CNTNAP5: variants seen among roughly 807,000 people sequenced by gnomAD.
CNTNAP5 encodes contactin associated protein family member 5.
CNTNAP5 carries 72 observed loss-of-function variants against 150.2 expected under a neutral mutation model. The ratio of observed to expected loss-of-function variants is 0.48; its 90% CI spans 0.40 to 0.58. CNTNAP5 has a LOEUF of 0.58. Among genes scored for constraint, CNTNAP5 ranks in the 20% least tolerant of loss-of-function variants. The probability of loss-of-function intolerance (pLI) is 0.00; values close to 1 mark genes in which losing one functional copy is unlikely to be tolerated. For missense variants in CNTNAP5, 1,636 were observed against 1,626.2 expected, an observed-to-expected ratio of 1.01 and a Z score of -0.10; for synonymous variants, 672 against 619.8, an observed-to-expected ratio of 1.08 and a Z score of -1.25.
At chr2:124,539,347 G>A (rs893895673) in intron 10 of CNTNAP5, among the ~76,000 whole-genome samples, 5 of 152,158 alleles carry the variant, frequency 3.3e-5, no homozygotes, top group Non-Finnish European at 7.4e-5. Flanking sequence ...TCATAGGCAT[G>A]GGCAGCGTCA....
intron 2 of CNTNAP5, among the ~76,000 whole-genome samples, chr2:124,237,662 C>A (rs935672000): frequency 6.6e-6 from 1 of 152,048 alleles, no homozygotes; most frequent in Non-Finnish European, 1.5e-5. Context: ...CATGGTGAAA[C>A]CCTGTTTCTA....
At chr2:124,113,583 T>A (rs893826452) in intron 1 of CNTNAP5, among the ~76,000 whole-genome samples, 9 of 150,950 alleles carry the variant, frequency 6.0e-5, no homozygotes, top group African/African-American at 1.9e-4. Context: ...GGAGCCCTAG[T>A]TCTCTCTTGT....
At chr2:124,518,174 A>ATATCTC (rs753021823) in intron 8 of CNTNAP5, among the ~76,000 whole-genome samples, 27 of 152,164 alleles carry the variant, frequency 1.8e-4, no homozygotes, top group Non-Finnish European at 2.8e-4. Context: ...GGACCTTAGA[A>ATATCTC]TATCTCTTAA....
intron 7 of CNTNAP5, among the ~76,000 whole-genome samples, chr2:124,499,815 C>T (rs1694235667): frequency 6.6e-6 from 1 of 152,010 alleles, no homozygotes; most frequent in Admixed American, 6.6e-5. Context: ...AAAAGTAGGG[C>T]CAGGATCTCT....
intron 4 of CNTNAP5, among the ~76,000 whole-genome samples, chr2:124,429,064 T>C (rs192244662): frequency 2.6e-4 from 39 of 152,282 alleles, no homozygotes; most frequent in Admixed American, 2.1e-3. Context: ...GCAAATTAAG[T>C]TCCAAAGAGA....
chr2:124,544,763 A>C (rs192687964), intron 10 of CNTNAP5, among the ~76,000 whole-genome samples: 1 of 152,266 alleles, frequency 6.6e-6, no homozygotes, highest in East Asian at 1.9e-4. Flanking sequence ...CATTTTTCTT[A>C]TCCATAAGTT....
At chr2:124,374,322 T>C (rs976175682) in intron 3 of CNTNAP5, among the ~76,000 whole-genome samples, 1 of 152,122 alleles carries the variant, frequency 6.6e-6, no homozygotes, top group East Asian at 1.9e-4. Flanking sequence ...AATATAATTT[T>C]TGTCAAATTG....
intron 19 of CNTNAP5, among the ~76,000 whole-genome samples, chr2:124,829,321 C>G (rs1440130384): frequency 6.6e-6 from 1 of 152,128 alleles, no homozygotes; most frequent in African/African-American, 2.4e-5. Flanking sequence ...TTTACAGAAC[C>G]AGTATGGATT....
chr2:124,517,160 G>A (rs1358472127), intron 8 of CNTNAP5, among the ~76,000 whole-genome samples: 1 of 152,006 alleles, frequency 6.6e-6, no homozygotes, highest in East Asian at 1.9e-4. Context: ...GGAGCATTGT[G>A]GTATTGGTGA....
chr2:124,053,724 G>C (rs913402159), intron 1 of CNTNAP5, among the ~76,000 whole-genome samples: 2 of 152,172 alleles, frequency 1.3e-5, no homozygotes, highest in Non-Finnish European at 2.9e-5. Flanking sequence ...TTTATGTTCT[G>C]TTTGAAAGCT....
chr2:124,913,518 A>T (rs1452333008), intron 23 of CNTNAP5, among the ~76,000 whole-genome samples: 1 of 152,104 alleles, frequency 6.6e-6, no homozygotes, highest in South Asian at 2.1e-4. Flanking sequence ...TCACTGAATG[A>T]GCCTTAGTTT....
intron 11 of CNTNAP5, among the ~76,000 whole-genome samples, chr2:124,597,937 G>A (rs969341676): frequency 3.1e-5 from 4 of 129,636 alleles, no homozygotes; most frequent in East Asian, 3.3e-4. Context: ...TGATCGCATC[G>A]GCTCCTGAGG....
chr2:124,194,981 A>G (rs542085314), intron 1 of CNTNAP5, among the ~76,000 whole-genome samples: 1 of 152,182 alleles, frequency 6.6e-6, no homozygotes, highest in Admixed American at 6.5e-5. Context: ...AAAAATCATA[A>G]CTAAATGGAA....
intron 12 of CNTNAP5, among the ~76,000 whole-genome samples, chr2:124,616,768 T>A (rs1677500884): frequency 6.6e-6 from 1 of 152,134 alleles, no homozygotes; most frequent in African/African-American, 2.4e-5. Context: ...ATTGTGGGGT[T>A]ACTATTTGGC....
chr2:124,276,804 A>G (rs569130449), intron 3 of CNTNAP5, among the ~76,000 whole-genome samples: 2 of 152,284 alleles, frequency 1.3e-5, no homozygotes, highest in African/African-American at 4.8e-5. Context: ...GGGGACAAAC[A>G]CCAGCAGAGT....
At chr2:124,883,034 C>T (rs532433795) in intron 21 of CNTNAP5, among the ~76,000 whole-genome samples, 23 of 150,924 alleles carry the variant, frequency 1.5e-4, no homozygotes, top group African/African-American at 4.4e-4. Flanking sequence ...TGGTTGGGGA[C>T]GGAGCCTAAC....
chr2:124,509,902 T>A (rs1435561739), intron 8 of CNTNAP5, among the ~76,000 whole-genome samples: 1 of 152,196 alleles, frequency 6.6e-6, no homozygotes, highest in Non-Finnish European at 1.5e-5. Context: ...GTTGTCTTTA[T>A]AAACTTCTGT....
At chr2:124,501,237 C>T (rs1443923951) in intron 7 of CNTNAP5, among the ~76,000 whole-genome samples, 1 of 152,162 alleles carries the variant, frequency 6.6e-6, no homozygotes, top group Non-Finnish European at 1.5e-5. Flanking sequence ...AATTTAATTA[C>T]TACAGCATGC....
Position 124,582,571 on chromosome 2 carries a change from C to A in CNTNAP5, c.1756+19248C>A, listed in dbSNP as rs527585813. Reference sequence around the variant, plus strand: ...TGGGACACATCCCTGCAAAAGGGGGCTGCCAGCTTGTCTGGATGACCTTGG... The same window carrying A: ...TGGGACACATCCCTGCAAAAGGGGGATGCCAGCTTGTCTGGATGACCTTGG... On this transcript the variant is annotated intron_variant, in intron 11 of 23. Coordinates refer to ENST00000682447, the MANE Select transcript of CNTNAP5 (RefSeq NM_001367498.1). 4.5e-3 allele frequency among the ~76,000 whole-genome samples: 687 copies of A among 152,268 alleles called. 6 individuals carry two copies. Among genetic ancestry groups the A allele is most frequent in the African/African-American group, 0.016 (645 of 41,558 alleles).
Sources: allele counts gnomAD v4.1 joint callset (sites outside exome capture counted in the v4.1 genomes callset), GRCh38; gene constraint gnomAD v4.1.1; transcripts MANE v1.5; gene names NCBI Gene and HGNC (gene_info 2026-07-23, HGNC 2026-07-21).